Variants in MCC observed in about 807,000 individuals in gnomAD.
MCC encodes the protein MCC regulator of Wnt signaling pathway, also known as colorectal mutant cancer protein.
Under a neutral mutation model 116.2 loss-of-function variants are expected in MCC, and 90 were observed. The ratio of observed to expected loss-of-function variants is 0.77; its 90% CI spans 0.65 to 0.92. The LOEUF (loss-of-function observed/expected upper bound fraction) is 0.92. Among genes scored for constraint, MCC ranks in the 40% least tolerant of loss-of-function variants. The pLI is 0.00. For synonymous variants in MCC, 578 were observed against 510.5 expected, an observed-to-expected ratio of 1.13 and a Z score of -1.78; for missense variants, 1,516 against 1,312.2, an observed-to-expected ratio of 1.16 and a Z score of -2.40.
intron 17 of MCC, 43 bp downstream of exon 17, chr5:113,043,487 T>C (rs753547020): frequency 3.3e-6 from 5 of 1,531,178 alleles, no homozygotes; most frequent in East Asian, 4.5e-5. Context: ...AAAGTCTCCA[T>C]GCCCAGGATA....
At chr5:113,108,652 CAAAA>C (rs58617659) in intron 6 of MCC, among the ~76,000 whole-genome samples, 1 of 115,310 alleles carries the variant, frequency 8.7e-6, no homozygotes, top group Non-Finnish European at 1.8e-5. Flanking sequence ...GACTCCATTT[CAAAA>C]AAAAAAAAAA....
intron 3 of MCC, among the ~76,000 whole-genome samples, chr5:113,224,069 T>A (rs577599314): frequency 6.6e-6 from 1 of 151,746 alleles, no homozygotes; most frequent in East Asian, 1.9e-4. Flanking sequence ...CTTGGAGGAG[T>A]AGGTATTGTT....
intron 3 of MCC, among the ~76,000 whole-genome samples, chr5:113,262,086 T>A (rs906208078): frequency 1.3e-5 from 2 of 152,130 alleles, no homozygotes; most frequent in South Asian, 4.1e-4. Context: ...AGCTTTTTTT[T>A]AATTTTTATT....
intron 1 of MCC, among the ~76,000 whole-genome samples, chr5:113,444,965 G>C (rs762282280): frequency 6.6e-6 from 1 of 152,156 alleles, no homozygotes; most frequent in African/African-American, 2.4e-5. Context: ...ACTTATCCAA[G>C]GGCAGAGCTA....
rs116103910 is a variant in MCC, at chr5:113,251,293, G to A, written c.627+89226C>T. On this transcript the variant is annotated intron_variant, in intron 3 of 18. Coordinates refer to ENST00000408903, the MANE Select transcript of MCC (RefSeq NM_001085377.2). ...ATTAGCACTGTCTGCGTTTTTTTAA[G>A]TTGGTATTGCCTACATTTGATTTCA... Among the ~76,000 whole-genome samples, 511 of 152,210 alleles carry A rather than the reference G, an allele frequency of 3.4e-3. 3 individuals carry two copies. Among genetic ancestry groups the A allele is most frequent in the African/African-American group, 0.012 (498 of 41,512 alleles).
chr5:113,435,022 A>G, intron 1 of MCC: 1 of 676,802 alleles, frequency 1.5e-6, no homozygotes, highest in South Asian at 2.7e-5. Flanking sequence ...AGATGACTTC[A>G]GCGAGTGAAG....
intron 1 of MCC, chr5:113,433,593 C>T (rs1366789378): frequency 6.3e-6 from 7 of 1,112,586 alleles, no homozygotes; most frequent in Admixed American, 2.9e-5. Context: ...ATGTGGGTTA[C>T]CAAGTTCAAG....
intron 16 of MCC, among the ~76,000 whole-genome samples, chr5:113,043,878 GC>G (rs1432130372): frequency 6.6e-6 from 1 of 152,246 alleles, no homozygotes; most frequent in African/African-American, 2.4e-5. Flanking sequence ...GCTCTGAGCA[GC>G]CGCTGATGCC....
chr5:113,120,283 G>T (rs1757658631), intron 6 of MCC, among the ~76,000 whole-genome samples: 1 of 152,204 alleles, frequency 6.6e-6, no homozygotes, highest in South Asian at 2.1e-4. Context: ...TGCATGGTCT[G>T]GTTGCAGGGA....
chr5:113,348,239 T>G (rs896921516), intron 2 of MCC, among the ~76,000 whole-genome samples: 1 of 152,040 alleles, frequency 6.6e-6, no homozygotes, highest in Non-Finnish European at 1.5e-5. Flanking sequence ...ACAGAACATT[T>G]CTTCAAGGTC....
intron 9 of MCC, 135 bp downstream of exon 9, chr5:113,085,029 C>T: frequency 8.5e-7 from 1 of 1,171,766 alleles, no homozygotes; most frequent in Non-Finnish European, 1.2e-6. Flanking sequence ...GCATAGAAGG[C>T]CTGCGTAAGG....
chr5:113,217,135 A>G (rs1324709926), intron 3 of MCC, among the ~76,000 whole-genome samples: 2 of 152,246 alleles, frequency 1.3e-5, no homozygotes, highest in Non-Finnish European at 2.9e-5. Flanking sequence ...ATTTTAAATT[A>G]TGAAAACAAG....
rs914138752 is a variant in MCC at position 113,025,938 on chromosome 5, A to T, written c.*1364T>A. On this transcript the variant is annotated 3_prime_UTR_variant, in exon 19 of 19. Coordinates refer to ENST00000408903, the MANE Select transcript of MCC (RefSeq NM_001085377.2). ...CTTTAATTTGTAGTCAGCTATGGCA[A>T]TGGAACACATTTTTCATAGGGAACT... 1.3e-5 allele frequency: 2 copies of T among 152,266 alleles called. No homozygotes were observed. The highest frequency in any genetic ancestry group is 1.5e-5 in the Non-Finnish European group (1 of 68,052). 9.4% of individuals were successfully genotyped at this position (152,266 alleles called of 1,614,324 possible). A position where few individuals can be genotyped will look rare whatever the true frequency, so the allele number is the denominator to read the frequency against.
In MCC at chr5:113,082,964, G is replaced by C; in HGVS notation, c.1680C>G (p.Asp560Glu). 1 of 1,614,166 alleles carries C rather than the reference G, an allele frequency of 6.2e-7. No individual in the cohort carries two copies. Among genetic ancestry groups the C allele is most frequent in the Non-Finnish European group, 8.5e-7 (1 of 1,180,020 alleles). The change falls in exon 11 of 19, where the codon GAC (aspartate) becomes GAG (glutamate). Residue 560 changes from aspartate (D) to glutamate (E), a missense_variant. Transcript: ENST00000408903. The stretch of plus-strand genomic sequence containing the variant: ...GGAAAATCTCTTGGATATTGGAGCA[G>C]TCCTGAAGTGAGTGGGCCAGGTGTT... ...VAEHLAHSLQ[D>E]CSNIQEIFQT...
At chr5:113,255,621 A>G (rs1176797394) in intron 3 of MCC, among the ~76,000 whole-genome samples, 1 of 152,200 alleles carries the variant, frequency 6.6e-6, no homozygotes, top group African/African-American at 2.4e-5. Context: ...TCTGCTCCAG[A>G]GGAGAAATAT....
chr5:113,428,661 T>C (rs1159227444), intron 1 of MCC: 1 of 152,196 alleles, frequency 6.6e-6, no homozygotes, highest in Non-Finnish European at 1.5e-5. Flanking sequence ...CCCTCACAGG[T>C]GTTGATCCCA....
At chr5:113,398,472 T>C (rs1043640698) in intron 1 of MCC, among the ~76,000 whole-genome samples, 1 of 152,166 alleles carries the variant, frequency 6.6e-6, no homozygotes, top group Admixed American at 6.5e-5. Flanking sequence ...AAAATGCACA[T>C]ATATACCATG....
chr5:113,287,752 T>C (rs1766320406), intron 3 of MCC, among the ~76,000 whole-genome samples: 1 of 152,220 alleles, frequency 6.6e-6, no homozygotes. Flanking sequence ...AACTGCACAC[T>C]TGACTTTATT....
chr5:113,349,876 G>C (rs1246505053), intron 2 of MCC, among the ~76,000 whole-genome samples: 2 of 151,936 alleles, frequency 1.3e-5, no homozygotes, highest in Non-Finnish European at 2.9e-5. Flanking sequence ...ACAAAAATCA[G>C]TAGCATTTCT....
Sources: gnomAD v4.1 joint callset for allele counts (sites outside exome capture counted in the v4.1 genomes callset) on GRCh38, gnomAD v4.1.1 for gene constraint, MANE v1.5 for transcripts, NCBI Gene and HGNC (gene_info 2026-07-23, HGNC 2026-07-21) for gene names.